Variants in ITFG1 observed in about 807,000 individuals in gnomAD.
The protein encoded by ITFG1 is integrin alpha FG-GAP repeat containing 1, also known as T-cell immunomodulatory protein.
ITFG1 carries 34 observed loss-of-function variants against 81.8 expected under a neutral mutation model. That is an observed-to-expected ratio of 0.42 (90% CI 0.32 to 0.55). The LOEUF (loss-of-function observed/expected upper bound fraction) is 0.55, where lower values mean the gene tolerates loss of function less well. Ranked by LOEUF, ITFG1 falls within the 20% of genes least tolerant of loss-of-function variation. The pLI is 0.17. For missense variants in ITFG1, 672 were observed against 755.4 expected (o/e 0.89, Z 1.29); for synonymous variants, 285 against 270.6 (o/e 1.05, Z -0.52).
intron 8 of ITFG1, among the ~76,000 whole-genome samples, chr16:47,336,792 G>C (rs577822570): frequency 1.4e-4 from 22 of 151,742 alleles, no homozygotes; most frequent in African/African-American, 4.8e-4. Flanking sequence ...GCAAAATCCT[G>C]TCTCTACTAA....
At chr16:47,349,269 T>C (rs561682330) in intron 8 of ITFG1, among the ~76,000 whole-genome samples, 4 of 152,162 alleles carry the variant, frequency 2.6e-5, no homozygotes, top group South Asian at 2.1e-4. Flanking sequence ...GACTGGCAAA[T>C]TGGATAAAGA....
intron 6 of ITFG1, among the ~76,000 whole-genome samples, chr16:47,379,703 AAG>A (rs1968371797): frequency 6.6e-6 from 1 of 151,772 alleles, no homozygotes; most frequent in Admixed American, 6.6e-5. Flanking sequence ...AAAAAAAAAA[AAG>A]AGATTCTGTA....
chr16:47,360,239 T>C (rs1968092349), intron 8 of ITFG1, among the ~76,000 whole-genome samples: 1 of 152,218 alleles, frequency 6.6e-6, no homozygotes, highest in African/African-American at 2.4e-5. Context: ...CACTTACATC[T>C]AATTTGCCCA....
intron 12 of ITFG1, among the ~76,000 whole-genome samples, chr16:47,246,162 A>C (rs568619842): frequency 2.8e-4 from 42 of 152,346 alleles, no homozygotes; most frequent in African/African-American, 8.4e-4. Flanking sequence ...TTTTGTGTAC[A>C]ATAAGCTAAA....
intron 6 of ITFG1, among the ~76,000 whole-genome samples, chr16:47,391,281 A>G (rs1968527086): frequency 6.6e-6 from 1 of 152,228 alleles, no homozygotes; most frequent in South Asian, 2.1e-4. Flanking sequence ...AAGTTTCTGA[A>G]TGTTTTATAA....
chr16:47,348,886 A>T (rs531504174), intron 8 of ITFG1, among the ~76,000 whole-genome samples: 3 of 152,368 alleles, frequency 2.0e-5, no homozygotes, highest in Admixed American at 6.5e-5. Context: ...ACAAGCCAGA[A>T]GAGAGTGGGG....
At position 47,283,777 on chromosome 16, in the gene ITFG1, A is replaced by G. The variant is rs1309045011; in HGVS notation, c.1071-23082T>C. ...ATTATATTTGTGGCAATTTGTTACT[A>G]TGGCAATAGGAAACTAATACACAAA... On this transcript the variant is annotated intron_variant, in intron 10 of 17. Transcript: ENST00000320640. Among the ~76,000 whole-genome samples the G allele has an allele frequency of 2.0e-5, 3 of 152,200 alleles. No individual in the cohort carries two copies. In the East Asian group the frequency reaches 5.8e-4, roughly 29 times the overall value.
At chr16:47,402,225 T>A (rs942588146) in intron 6 of ITFG1, among the ~76,000 whole-genome samples, 1 of 152,166 alleles carries the variant, frequency 6.6e-6, no homozygotes, top group Non-Finnish European at 1.5e-5. Flanking sequence ...ATGAAATAAA[T>A]CTTATCAACA....
rs181636183 is a variant in ITFG1, at chr16:47,443,215, G to T, written c.560+8181C>A. 2.0e-4 allele frequency among the ~76,000 whole-genome samples: 31 copies of T among 152,256 alleles called. No homozygotes were observed. The East Asian group carries it at 5.8e-3, about 28-fold the overall frequency. On this transcript the variant is annotated intron_variant, in intron 5 of 17. Transcript: ENST00000320640. ...ACAATGAGATACCATTTCATACCAG[G>T]TAGAATGGTGATCATTAAAAAGTCA...
intron 8 of ITFG1, among the ~76,000 whole-genome samples, chr16:47,343,536 T>C (rs551430595): frequency 1.3e-5 from 2 of 151,902 alleles, no homozygotes; most frequent in South Asian, 2.1e-4. Flanking sequence ...AGTTAAAAAA[T>C]AGGTAAAGAA....
At chr16:47,356,507 C>G (rs1013291117) in intron 8 of ITFG1, among the ~76,000 whole-genome samples, 5 of 152,166 alleles carry the variant, frequency 3.3e-5, no homozygotes, top group Non-Finnish European at 7.3e-5. Context: ...TGTCTTGCTA[C>G]TAGGGAACCG....
chr16:47,411,054 C>CCTGCAGG (rs1968804600), intron 6 of ITFG1, among the ~76,000 whole-genome samples: 1 of 152,186 alleles, frequency 6.6e-6, no homozygotes, highest in African/African-American at 2.4e-5. Context: ...GCCAGCCCTA[C>CCTGCAGG]CTGCAGGCTT....
intron 8 of ITFG1, among the ~76,000 whole-genome samples, chr16:47,348,263 G>A (rs529336754): frequency 1.1e-4 from 16 of 152,154 alleles, no homozygotes; most frequent in South Asian, 2.1e-4. Flanking sequence ...AAACTTCTCC[G>A]AGCTAAAGGA....
intron 10 of ITFG1, among the ~76,000 whole-genome samples, chr16:47,300,610 C>T (rs1450671029): frequency 6.6e-6 from 1 of 152,178 alleles, no homozygotes; most frequent in African/African-American, 2.4e-5. Context: ...AAACTCACAG[C>T]TGAAGGGCTG....
At chr16:47,239,056 T>C (rs575934994) in intron 12 of ITFG1, among the ~76,000 whole-genome samples, 3 of 152,284 alleles carry the variant, frequency 2.0e-5, no homozygotes, top group Non-Finnish European at 2.9e-5. Flanking sequence ...CCTTCTGCCA[T>C]GTGAGGACGT....
At chr16:47,163,257 GAGAA>G (rs1199788153) in intron 14 of ITFG1, among the ~76,000 whole-genome samples, 6 of 152,270 alleles carry the variant, frequency 3.9e-5, no homozygotes, top group East Asian at 1.9e-4. Flanking sequence ...TTTATCACTT[GAGAA>G]AGAAACTCCA....
At position 47,238,215 on chromosome 16, in the gene ITFG1, GCTA is replaced by G. The variant is rs1965897135; in HGVS notation, c.1331-210_1331-208del. ...AAAGCCTTTATTAAACTGTCAAGAT[GCTA>G]CTATTTTGTGAACTATATAGGTGAG... On this transcript the variant is annotated intron_variant, in intron 12 of 17. Transcript: ENST00000320640. The G allele has an allele frequency of 5.8e-5, 26 of 449,338 alleles. 1 individual carries two copies. The South Asian group carries it at 5.9e-4, about 10-fold the overall frequency. The allele number at this position is 449,338 out of a possible 1,614,324, so 27.8% of individuals were successfully genotyped here. A position where few individuals can be genotyped will look rare whatever the true frequency, so the allele number is the denominator to read the frequency against.
intron 14 of ITFG1, among the ~76,000 whole-genome samples, chr16:47,181,514 C>T (rs1415244933): frequency 1.0e-4 from 14 of 140,572 alleles, no homozygotes; most frequent in Non-Finnish European, 3.1e-5. Flanking sequence ...GGGGGTCAGC[C>T]CCCCCACCCG....
At chr16:47,202,289 C>A (rs1366218056) in intron 14 of ITFG1, 1 of 152,196 alleles carries the variant, frequency 6.6e-6, no homozygotes, top group Non-Finnish European at 1.5e-5. Flanking sequence ...CCATTTAATA[C>A]ACTCAAGTAG....
Sources: gnomAD v4.1 joint callset for allele counts (sites outside exome capture counted in the v4.1 genomes callset) on GRCh38, gnomAD v4.1.1 for gene constraint, MANE v1.5 for transcripts, NCBI Gene and HGNC (gene_info 2026-07-23, HGNC 2026-07-21) for gene names.